SYNDIG1: variants seen among roughly 807,000 people sequenced by gnomAD.
SYNDIG1 encodes the protein synapse differentiation-inducing gene protein 1.
Under a neutral mutation model 19.4 loss-of-function variants are expected in SYNDIG1, and 9 were observed. The ratio of observed to expected loss-of-function variants is 0.46; its 90% CI spans 0.28 to 0.81. The LOEUF (loss-of-function observed/expected upper bound fraction) is 0.81. Among genes scored for constraint, SYNDIG1 ranks in the 30% least tolerant of loss-of-function variants. The pLI is 0.12. For synonymous variants in SYNDIG1, 141 were observed against 145.9 expected (o/e 0.97, Z 0.24); for missense variants, 311 against 343.3 (o/e 0.91, Z 0.74).
chr20:24,556,800 C>T (rs2057829707), intron 2 of SYNDIG1, among the ~76,000 whole-genome samples: 1 of 152,112 alleles, frequency 6.6e-6, no homozygotes, highest in African/African-American at 2.4e-5. Flanking sequence ...TTGCTCTTCT[C>T]AAGGAGTATC....
chr20:24,654,258 A>T lies in SYNDIG1; in HGVS notation c.619-11088A>T, dbSNP rs112004209. Among the ~76,000 whole-genome samples the T allele has an allele frequency of 3.3e-5, 5 of 152,272 alleles. 1 individual carries two copies. Among genetic ancestry groups the T allele is most frequent in the African/African-American group, 9.6e-5 (4 of 41,544 alleles). ...TGAGAGCGCCTCTACCATGGAAAAA[A>T]AAAAATGAAACCTGAACAAATGGGT... On this transcript the variant is annotated intron_variant, in intron 3 of 3. Transcript: ENST00000376862.
intron 1 of SYNDIG1, among the ~76,000 whole-genome samples, chr20:24,521,929 C>T (rs1014436320): frequency 6.6e-6 from 1 of 151,816 alleles, no homozygotes; most frequent in Non-Finnish European, 1.5e-5. Context: ...AGTAATACCC[C>T]GAAATAGTAA....
intron 2 of SYNDIG1, among the ~76,000 whole-genome samples, chr20:24,549,704 G>A (rs990017367): frequency 2.0e-5 from 3 of 152,230 alleles, no homozygotes; most frequent in Non-Finnish European, 4.4e-5. Context: ...AGGACAGAGG[G>A]CTGGATCCAG....
In SYNDIG1 at chr20:24,531,689, T is replaced by C. The variant is rs139788285; in HGVS notation, c.-78-11331T>C. Among the ~76,000 whole-genome samples the C allele has an allele frequency of 2.4e-3, 365 of 152,264 alleles. 3 individuals carry two copies. Among genetic ancestry groups the C allele is most frequent in the African/African-American group, 8.5e-3 (353 of 41,554 alleles). On this transcript the variant is annotated intron_variant, in intron 1 of 3. Coordinates refer to ENST00000376862, the MANE Select transcript of SYNDIG1 (RefSeq NM_024893.3). ...AAATTTCTTCATGGATAGGACCATGTATAACTCTGTCACTTTTACAATGCA... is the reference window on the plus strand; with the variant it reads ...AAATTTCTTCATGGATAGGACCATGCATAACTCTGTCACTTTTACAATGCA...
At chr20:24,542,086 C>T (rs967928147) in intron 1 of SYNDIG1, among the ~76,000 whole-genome samples, 8 of 152,140 alleles carry the variant, frequency 5.3e-5, no homozygotes, top group African/African-American at 1.7e-4. Context: ...TCGAAGGATG[C>T]GGAAATGACA....
At chr20:24,503,000 T>C (rs1018689283) in intron 1 of SYNDIG1, among the ~76,000 whole-genome samples, 1 of 152,226 alleles carries the variant, frequency 6.6e-6, no homozygotes, top group Non-Finnish European at 1.5e-5. Flanking sequence ...CAAGATGTCA[T>C]AGCATGAAGC....
chr20:24,559,382 A>G (rs1350698414), intron 2 of SYNDIG1, among the ~76,000 whole-genome samples: 1 of 152,176 alleles, frequency 6.6e-6, no homozygotes, highest in African/African-American at 2.4e-5. Flanking sequence ...CTAAAAAGCC[A>G]TGACCTGACC....
chr20:24,629,532 C>T (rs546727117), intron 3 of SYNDIG1, among the ~76,000 whole-genome samples: 42 of 152,050 alleles, frequency 2.8e-4, no homozygotes, highest in Middle Eastern at 3.4e-3. Context: ...CAAATGAGGA[C>T]CACAGAGAAA....
intron 2 of SYNDIG1, among the ~76,000 whole-genome samples, chr20:24,564,261 C>A (rs2057999701): frequency 6.6e-6 from 1 of 152,188 alleles, no homozygotes; most frequent in Non-Finnish European, 1.5e-5. Flanking sequence ...GAGAAACAGT[C>A]TTTGTATTAC....
chr20:24,574,437 C>T (rs962239544), intron 2 of SYNDIG1, among the ~76,000 whole-genome samples: 6 of 151,818 alleles, frequency 4.0e-5, no homozygotes, highest in Non-Finnish European at 5.9e-5. Flanking sequence ...TGCAGTGAGC[C>T]GAGATTGTGC....
At chr20:24,607,430 AG>A (rs976263463) in intron 3 of SYNDIG1, among the ~76,000 whole-genome samples, 10 of 151,870 alleles carry the variant, frequency 6.6e-5, no homozygotes, top group African/African-American at 2.2e-4. Context: ...TGAGAGTCCC[AG>A]TTGGGCACCC....
intron 3 of SYNDIG1, among the ~76,000 whole-genome samples, chr20:24,626,456 G>T (rs554438001): frequency 6.6e-6 from 1 of 151,382 alleles, no homozygotes; most frequent in Non-Finnish European, 1.5e-5. Flanking sequence ...GGGCAGAGGC[G>T]CTCCCCACAT....
At chr20:24,517,618 C>CA (rs962496949) in intron 1 of SYNDIG1, among the ~76,000 whole-genome samples, 1,526 of 94,936 alleles carry the variant, frequency 0.016, 31 homozygotes, top group African/African-American at 0.057. Flanking sequence ...GACTCTGTGT[C>CA]AAAAAAAAAA....
Position 24,665,968 on chromosome 20 carries a change from T to G in SYNDIG1, c.*464T>G. 6.1e-6 allele frequency: 1 copy of G among 163,258 alleles called. No individual in the cohort carries two copies. The allele number at this position is 163,258 out of a possible 1,614,324, so 10.1% of individuals were successfully genotyped here. A position where few individuals can be genotyped will look rare whatever the true frequency, so the allele number is the denominator to read the frequency against. On this transcript the variant is annotated 3_prime_UTR_variant, in exon 4 of 4. Transcript: ENST00000376862. ...TTGTGCCCCCCGGAGTCCACACGCC[T>G]TCCCTGCAAGACGAGAATGGGGCTG...
chr20:24,563,223 C>T (rs1321583027), intron 2 of SYNDIG1, among the ~76,000 whole-genome samples: 2 of 152,196 alleles, frequency 1.3e-5, no homozygotes, highest in African/African-American at 4.8e-5. Flanking sequence ...TTTGGTAACT[C>T]TCTAATATGT....
At chr20:24,503,253 C>T (rs537421533) in intron 1 of SYNDIG1, among the ~76,000 whole-genome samples, 14 of 152,264 alleles carry the variant, frequency 9.2e-5, no homozygotes, top group African/African-American at 2.6e-4. Flanking sequence ...TCCTTCTGCA[C>T]GGTACTTATC....
At chr20:24,615,246 G>A (rs1470365561) in intron 3 of SYNDIG1, among the ~76,000 whole-genome samples, 1 of 152,192 alleles carries the variant, frequency 6.6e-6, no homozygotes, top group East Asian at 1.9e-4. Context: ...ACACCCATGT[G>A]AAATGAAATG....
intron 3 of SYNDIG1, among the ~76,000 whole-genome samples, chr20:24,588,321 A>T (rs13041960): frequency 0.22 from 33,186 of 152,194 alleles, 3,985 homozygotes; most frequent in East Asian, 0.51. Flanking sequence ...CTTTCCCAGC[A>T]GATTTTGCTA....
At chr20:24,491,824 G>A (rs2056158330) in intron 1 of SYNDIG1, 1 of 152,236 alleles carries the variant, frequency 6.6e-6, no homozygotes. Flanking sequence ...CAAGATTTGT[G>A]TCATGCACTT....
Sources: gnomAD v4.1 joint callset for allele counts (sites outside exome capture counted in the v4.1 genomes callset) on GRCh38, gnomAD v4.1.1 for gene constraint, MANE v1.5 for transcripts, NCBI Gene and HGNC (gene_info 2026-07-23, HGNC 2026-07-21) for gene names.